The following RBM26 variants were observed in gnomAD, a reference collection of about 807,000 sequenced individuals.
The protein encoded by RBM26 is RNA binding motif protein 26.
In RBM26, 30 loss-of-function variants were observed where a neutral mutation model predicts 123.6. That is an observed-to-expected ratio of 0.24 (90% CI 0.18 to 0.33). RBM26 has a LOEUF of 0.33. Ranked by LOEUF, RBM26 falls within the 10% of genes least tolerant of loss-of-function variation. The probability of loss-of-function intolerance (pLI) is 1.00; values close to 1 mark genes in which losing one functional copy is unlikely to be tolerated. For missense variants in RBM26, 947 were observed against 1,203.6 expected, an observed-to-expected ratio of 0.79 and a Z score of 3.15; for synonymous variants, 400 against 404.4, an observed-to-expected ratio of 0.99 and a Z score of 0.13.
At chr13:79,395,842 G>A (rs1239136139) in intron 1 of RBM26, among the ~76,000 whole-genome samples, 2 of 151,846 alleles carry the variant, frequency 1.3e-5, no homozygotes, top group Non-Finnish European at 2.9e-5. Context: ...GAGATTTTCA[G>A]GATAATATCA....
rs1161881546 is a variant in RBM26 at position 79,335,407 on chromosome 13, A to T, written c.2734-977T>A. On this transcript the variant is annotated intron_variant, in intron 19 of 21. Coordinates refer to ENST00000438737, the MANE Select transcript of RBM26 (RefSeq NM_001366735.2). ...GCACTCAGAGGGCATACCTGCCACA[A>T]AGTAAGTGCTCTATAGGTTTTTAGT... 2.0e-5 allele frequency among the ~76,000 whole-genome samples: 3 copies of T among 152,190 alleles called. No individual in the cohort carries two copies. The East Asian group carries it at 5.8e-4, about 29-fold the overall frequency.
chr13:79,351,991 G>C lies in RBM26; in HGVS notation c.2058+1162C>G, dbSNP rs539084809. On this transcript the variant is annotated intron_variant, in intron 14 of 21. Transcript: ENST00000438737. ...TAAGGCTTTTGGATCACACAGCTTA[G>C]AAAATGGTGTTATCACTTTCTGAGC... is the stretch of plus-strand genomic sequence containing the variant. Among the ~76,000 whole-genome samples, 19 of 152,238 alleles carry C rather than the reference G, an allele frequency of 1.2e-4. No individual in the cohort carries two copies. The South Asian group carries it at 3.9e-3, about 32-fold the overall frequency.
chr13:79,373,566 TTA>T (rs1362547239), intron 3 of RBM26, among the ~76,000 whole-genome samples: 1 of 108,892 alleles, frequency 9.2e-6, no homozygotes, highest in Non-Finnish European at 1.7e-5. Flanking sequence ...CTATATATAT[TTA>T]TATAATATAT....
intron 20 of RBM26, among the ~76,000 whole-genome samples, chr13:79,323,652 A>G (rs1245778106): frequency 3.3e-5 from 5 of 151,728 alleles, no homozygotes; most frequent in African/African-American, 1.2e-4. Context: ...AAAAAGCAAA[A>G]GAGTTACTGA....
At chr13:79,345,171 T>A (rs2072106609) in intron 14 of RBM26, among the ~76,000 whole-genome samples, 1 of 152,130 alleles carries the variant, frequency 6.6e-6, no homozygotes, top group Non-Finnish European at 1.5e-5. Flanking sequence ...AGGAGGAAAC[T>A]GGTTGCTGTC....
chr13:79,322,721 T>C (rs920187659), intron 20 of RBM26, among the ~76,000 whole-genome samples: 15 of 151,522 alleles, frequency 9.9e-5, no homozygotes, highest in African/African-American at 2.9e-4. Flanking sequence ...TTTCTCATAA[T>C]AAAATATAGC....
chr13:79,377,353 T>C (rs752615305), intron 3 of RBM26, 26 bp downstream of exon 3: 1 of 1,598,278 alleles, frequency 6.3e-7, no homozygotes, highest in Non-Finnish European at 8.6e-7. Flanking sequence ...TTAAATAACC[T>C]GTAAGGTATT....
intron 1 of RBM26, among the ~76,000 whole-genome samples, chr13:79,383,674 T>TG (rs2077247179): frequency 6.8e-6 from 1 of 147,056 alleles, no homozygotes; most frequent in African/African-American, 2.5e-5. Flanking sequence ...CATTGGGGGG[T>TG]GGGGGGAACC....
intron 17 of RBM26, 36 bp downstream of exon 17, chr13:79,342,628 A>T (rs762819450): frequency 1.3e-6 from 2 of 1,488,082 alleles, no homozygotes; most frequent in Non-Finnish European, 1.8e-6. Context: ...ATGCTTGTTA[A>T]TAAGTAATAA....
At chr13:79,359,744 T>C in intron 9 of RBM26, 58 bp from the exon 10 acceptor site, 1 of 807,988 alleles carries the variant, frequency 1.2e-6, no homozygotes, top group Admixed American at 3.0e-5. Flanking sequence ...TTTCTATTTA[T>C]CATAGATACC....
At chr13:79,331,049 C>T (rs373818093) in intron 20 of RBM26, among the ~76,000 whole-genome samples, 3 of 115,120 alleles carry the variant, frequency 2.6e-5, no homozygotes, top group Admixed American at 2.0e-4. Context: ...CTGGCTCTGT[C>T]GCCCAGGCTG....
chr13:79,381,822 C>T (rs2077094034), intron 1 of RBM26, among the ~76,000 whole-genome samples: 1 of 152,004 alleles, frequency 6.6e-6, no homozygotes, highest in South Asian at 2.1e-4. Flanking sequence ...CGATTAGCCA[C>T]AACAAATATA....
intron 16 of RBM26, 147 bp downstream of exon 16, chr13:79,344,101 C>G: frequency 3.0e-6 from 2 of 668,032 alleles, no homozygotes; most frequent in Non-Finnish European, 5.4e-6. Context: ...CTGATGTATG[C>G]TCTTCATCTC....
At position 79,344,171 on chromosome 13, in the gene RBM26, G is replaced by A; in HGVS notation, c.2259+77C>T. The A allele has an allele frequency of 3.4e-6, 3 of 888,090 alleles. No individual in the cohort carries two copies. In the South Asian group the frequency reaches 4.0e-5, roughly 12 times the overall value. 55.0% of individuals were successfully genotyped at this position (888,090 alleles called of 1,614,324 possible). On this transcript the variant is annotated intron_variant, in intron 16 of 21. Coordinates refer to ENST00000438737, the MANE Select transcript of RBM26 (RefSeq NM_001366735.2). ...TACCAATTATAGTAAATCTTTTTATGACTAGGTAGCATAAGATTAAGTTCA... is the reference window on the plus strand; with the variant it reads ...TACCAATTATAGTAAATCTTTTTATAACTAGGTAGCATAAGATTAAGTTCA...
rs77931165 is a variant in RBM26 at position 79,386,473 on chromosome 13, A to C, written c.72-7566T>G. ...TCAAAGACCCAATAGTCAGATAACA[A>C]AACCAAAGTAAAAGTTTGTACTGTT... On this transcript the variant is annotated intron_variant, in intron 1 of 21. Transcript: ENST00000438737. Among the ~76,000 whole-genome samples the C allele has an allele frequency of 4.8e-3, 723 of 151,802 alleles. 3 individuals carry two copies. Among genetic ancestry groups the C allele is most frequent in the African/African-American group, 0.017 (695 of 41,486 alleles).
chr13:79,367,818 C>T (rs1220718289), intron 6 of RBM26, among the ~76,000 whole-genome samples: 2 of 151,794 alleles, frequency 1.3e-5, no homozygotes, highest in Non-Finnish European at 2.9e-5. Flanking sequence ...GTTAAACTAA[C>T]GTATACATAC....
At chr13:79,393,266 G>A (rs2078258776) in intron 1 of RBM26, among the ~76,000 whole-genome samples, 1 of 152,168 alleles carries the variant, frequency 6.6e-6, no homozygotes, top group Non-Finnish European at 1.5e-5. Context: ...GCAGGAGGTA[G>A]GAGTTAAGAA....
rs1049930720 is a variant in RBM26, at chr13:79,319,198, T to C, written c.*1423A>G. ...AAGTTACTCCACTGGCAGAAGACTA[T>C]GGTGGTGGTGGAACAACAGCTTTTG... is the stretch of plus-strand genomic sequence containing the variant. On this transcript the variant is annotated 3_prime_UTR_variant, in exon 22 of 22. Coordinates refer to ENST00000438737, the MANE Select transcript of RBM26 (RefSeq NM_001366735.2). The C allele has an allele frequency of 5.1e-6, 5 of 984,478 alleles. No homozygotes were observed. The highest frequency in any genetic ancestry group is 6.0e-6 in the Non-Finnish European group (5 of 829,376). 61.0% of individuals were successfully genotyped at this position (984,478 alleles called of 1,614,324 possible).
intron 3 of RBM26, among the ~76,000 whole-genome samples, chr13:79,375,978 G>A (rs937330729): frequency 1.3e-5 from 2 of 151,706 alleles, no homozygotes; most frequent in Non-Finnish European, 1.5e-5. Flanking sequence ...CACTTGATTG[G>A]TGCTTTATAT....
Sources: allele counts gnomAD v4.1 joint callset (sites outside exome capture counted in the v4.1 genomes callset), GRCh38; gene constraint gnomAD v4.1.1; transcripts MANE v1.5; gene names NCBI Gene and HGNC (gene_info 2026-07-23, HGNC 2026-07-21).